Variants in KANK1 observed in about 807,000 individuals in gnomAD.
The protein encoded by KANK1 is KN motif and ankyrin repeat domain-containing protein 1.
In KANK1, 109 loss-of-function variants were observed where a neutral mutation model predicts 106.2. That is an observed-to-expected ratio of 1.03 (90% CI 0.88 to 1.20). The LOEUF (loss-of-function observed/expected upper bound fraction) is 1.20, where lower values mean the gene tolerates loss of function less well. Among genes scored for constraint, KANK1 ranks in the 50% most tolerant of loss-of-function variants. The probability of loss-of-function intolerance (pLI) is 0.00; values close to 1 mark genes in which losing one functional copy is unlikely to be tolerated. For synonymous variants in KANK1, 873 were observed against 652.2 expected (o/e 1.34, Z -5.16); for missense variants, 2,399 against 1,710.7 (o/e 1.40, Z -7.10).
intron 1 of KANK1, among the ~76,000 whole-genome samples, chr9:523,613 C>G (rs2059648719): frequency 6.6e-6 from 1 of 151,722 alleles, no homozygotes; most frequent in African/African-American, 2.4e-5. Context: ...CTCTCCTGTG[C>G]TCGCCCCCAC....
chr9:543,427 C>G (rs1160598339), intron 1 of KANK1, among the ~76,000 whole-genome samples: 2 of 151,860 alleles, frequency 1.3e-5, no homozygotes, highest in Middle Eastern at 3.4e-3. Context: ...TGCATGGTAA[C>G]GGGCGCTTGT....
intron 3 of KANK1, among the ~76,000 whole-genome samples, chr9:720,924 C>T (rs2131316946): frequency 6.6e-6 from 1 of 152,268 alleles, no homozygotes. Flanking sequence ...CACATGGATC[C>T]AAGTTGATGG....
chr9:667,564 A>G (rs55987853), intron 1 of KANK1, among the ~76,000 whole-genome samples: 478 of 152,092 alleles, frequency 3.1e-3, no homozygotes, highest in African/African-American at 0.011. Flanking sequence ...GTTTATTGCT[A>G]TAAACCTCCC....
chr9:648,089 C>T (rs557374989), intron 1 of KANK1, among the ~76,000 whole-genome samples: 12 of 148,406 alleles, frequency 8.1e-5, no homozygotes, highest in Admixed American at 1.3e-4. Flanking sequence ...CTGCAACCTC[C>T]GCATCCCGGG....
chr9:651,745 C>T (rs1840924449), intron 1 of KANK1, among the ~76,000 whole-genome samples: 1 of 152,176 alleles, frequency 6.6e-6, no homozygotes, highest in African/African-American at 2.4e-5. Context: ...TAGGGATTTT[C>T]AGTTCTTAGA....
intron 1 of KANK1, among the ~76,000 whole-genome samples, chr9:608,537 A>G (rs1829850026): frequency 6.6e-6 from 1 of 151,798 alleles, no homozygotes; most frequent in Non-Finnish European, 1.5e-5. Context: ...ACTTTAGGGC[A>G]TTTACATGTG....
chr9:654,628 C>T (rs896040982), intron 1 of KANK1, among the ~76,000 whole-genome samples: 15 of 152,230 alleles, frequency 9.9e-5, no homozygotes, highest in East Asian at 3.9e-4. Context: ...CCATGAGCAC[C>T]TAGCAGCATC....
chr9:732,575 A>C lies in KANK1; in HGVS notation c.3203A>C (p.Gln1068Pro), dbSNP rs199923895. The C allele has an allele frequency of 6.2e-7, 1 of 1,614,214 alleles. No individual in the cohort carries two copies. The highest frequency in any genetic ancestry group is 2.2e-5 in the East Asian group (1 of 44,888). ...TCTGCCAGGGTGGAAGATGAAATGC[A>C]GGTTCAAGAATGTGAACCTGAGAAG... is the stretch of plus-strand genomic sequence containing the variant. Reference protein sequence around the residue: ...LKSARVEDEMQVQECEPEKVE... With the variant: ...LKSARVEDEMPVQECEPEKVE... Residue 1068 changes from glutamine to proline, a missense_variant, in exon 6 of 12, where the codon CAG (glutamine) becomes CCG (proline). Coordinates refer to ENST00000382297, the MANE Select transcript of KANK1 (RefSeq NM_015158.5).
chr9:556,115 A>T (rs2804312), intron 1 of KANK1, among the ~76,000 whole-genome samples: 142,867 of 152,296 alleles, frequency 0.94, 67,069 homozygotes, highest in East Asian at 1. Flanking sequence ...GGGGGAAAAT[A>T]CCCAAAGAAT....
chr9:544,441 G>A lies in KANK1; in HGVS notation c.-84+39687G>A, dbSNP rs776767233. On this transcript the variant is annotated intron_variant, in intron 1 of 11. Transcript: ENST00000382297. ...CAGAGAGGGGCATTCTGTAGTCTTC[G>A]TACTTCTTATCTTCACTATTGCTGA... Among the ~76,000 whole-genome samples, 5 of 152,026 alleles carry A rather than the reference G, an allele frequency of 3.3e-5. No homozygotes were observed. In the South Asian group the frequency reaches 6.2e-4, roughly 19 times the overall value.
intron 1 of KANK1, among the ~76,000 whole-genome samples, chr9:577,373 CAG>C (rs1215471204): frequency 2.0e-5 from 3 of 152,102 alleles, no homozygotes; most frequent in East Asian, 3.8e-4. Flanking sequence ...TAGCTAGACA[CAG>C]AGTGCTGACT....
At chr9:523,837 A>G (rs974999950) in intron 1 of KANK1, among the ~76,000 whole-genome samples, 10 of 151,424 alleles carry the variant, frequency 6.6e-5, no homozygotes, top group African/African-American at 2.2e-4. Flanking sequence ...TTCCATATCA[A>G]AAATTAACCA....
At chr9:701,908 T>C (rs1224918241) in intron 2 of KANK1, among the ~76,000 whole-genome samples, 1 of 152,204 alleles carries the variant, frequency 6.6e-6, no homozygotes, top group Non-Finnish European at 1.5e-5. Flanking sequence ...GAAATATCCA[T>C]AACTCCATTT....
At chr9:703,816 A>G (rs943820519) in intron 2 of KANK1, among the ~76,000 whole-genome samples, 3 of 151,894 alleles carry the variant, frequency 2.0e-5, no homozygotes, top group South Asian at 2.1e-4. Flanking sequence ...GGTTCAAGCA[A>G]TTCCCCTGCC....
chr9:577,842 C>G (rs1820987805), intron 1 of KANK1, among the ~76,000 whole-genome samples: 1 of 152,162 alleles, frequency 6.6e-6, no homozygotes, highest in South Asian at 2.1e-4. Flanking sequence ...TAAAATTGTA[C>G]TTTTTATTAT....
At chr9:655,339 C>G (rs992941623) in intron 1 of KANK1, among the ~76,000 whole-genome samples, 11 of 149,510 alleles carry the variant, frequency 7.4e-5, no homozygotes, top group African/African-American at 1.7e-4. Flanking sequence ...CCATTGCACT[C>G]CAGCCTGGGA....
intron 1 of KANK1, among the ~76,000 whole-genome samples, chr9:648,889 T>C (rs1175047392): frequency 6.6e-6 from 1 of 152,168 alleles, no homozygotes; most frequent in African/African-American, 2.4e-5. Flanking sequence ...GATGAGACTC[T>C]AGTTAAAGTG....
intron 1 of KANK1, among the ~76,000 whole-genome samples, chr9:666,708 T>G (rs1844667257): frequency 6.6e-6 from 1 of 152,166 alleles, no homozygotes; most frequent in Admixed American, 6.5e-5. Flanking sequence ...TCATATGGTT[T>G]TTGTTCTTGG....
rs201370622 is a variant in KANK1 at position 705,907 on chromosome 9, AT to A, written c.38-4889del. On this transcript the variant is annotated intron_variant, in intron 2 of 11. Transcript: ENST00000382297. The stretch of plus-strand genomic sequence containing the variant: ...TGAGCCAGCGTGCTCTCCAAAAAAA[AT>A]TTTTTTTAATTAAGTTTTTTGCTCT... Among the ~76,000 whole-genome samples, 171 of 152,046 alleles carry A rather than the reference AT, an allele frequency of 1.1e-3. 2 individuals are homozygous for A. In the East Asian group the frequency reaches 0.028, roughly 25 times the overall value.
Sources: allele counts gnomAD v4.1 joint callset (sites outside exome capture counted in the v4.1 genomes callset), GRCh38; gene constraint gnomAD v4.1.1; transcripts MANE v1.5; gene names NCBI Gene and HGNC (gene_info 2026-07-23, HGNC 2026-07-21).